Variants in ARHGAP17 observed in about 807,000 individuals in gnomAD.
The protein encoded by ARHGAP17 is rho GTPase-activating protein 17.
ARHGAP17 carries 57 observed loss-of-function variants against 99.5 expected under a neutral mutation model. That is an observed-to-expected ratio of 0.57 (90% CI 0.46 to 0.71). The LOEUF is 0.71. ARHGAP17 is among the 30% of genes least tolerant of loss of function. The pLI is 0.00. For synonymous variants in ARHGAP17, 417 were observed against 429.6 expected (o/e 0.97, Z 0.36); for missense variants, 1,000 against 1,122.4 (o/e 0.89, Z 1.56).
rs2051783570 is a variant in ARHGAP17, at chr16:24,955,540, G to C, written c.725-810C>G. ...TGAATTTGGCCTGCCTGTGCAAGCT[G>C]CAGAGATCTAGTGCTATCTGAGCAG... On this transcript the variant is annotated intron_variant, in intron 9 of 19. Coordinates refer to ENST00000289968, the MANE Select transcript of ARHGAP17 (RefSeq NM_001006634.3). The surrounding 1 kb of genome is among the most constrained non-coding windows in gnomAD (Gnocchi z 4.0). 6.6e-6 allele frequency: 1 copy of C among 152,244 alleles called. No homozygotes were observed. The allele number at this position is 152,244 out of a possible 1,614,324, so 9.4% of individuals were successfully genotyped here.
At chr16:25,009,488 G>A (rs897033106) in intron 1 of ARHGAP17, among the ~76,000 whole-genome samples, 71 of 152,296 alleles carry the variant, frequency 4.7e-4, no homozygotes, top group African/African-American at 1.6e-3. Flanking sequence ...GATAAGGTTT[G>A]TGATCATCAA....
chr16:24,984,388 C>T (rs957980170), intron 1 of ARHGAP17, among the ~76,000 whole-genome samples: 6 of 152,102 alleles, frequency 3.9e-5, no homozygotes, highest in African/African-American at 9.7e-5. Context: ...ATACTGAGGC[C>T]GGGCGCAGTG....
chr16:24,971,821 AC>A (rs998844637), intron 3 of ARHGAP17, among the ~76,000 whole-genome samples: 1 of 152,164 alleles, frequency 6.6e-6, no homozygotes, highest in African/African-American at 2.4e-5. Context: ...CAGTCAAGGA[AC>A]CCAAAGCCGA....
At chr16:25,002,473 A>G (rs983458254) in intron 1 of ARHGAP17, among the ~76,000 whole-genome samples, 6 of 152,122 alleles carry the variant, frequency 3.9e-5, no homozygotes, top group Non-Finnish European at 7.4e-5. Flanking sequence ...GACTTCCCAC[A>G]GCACCAACTT....
chr16:24,939,612 G>GA lies in ARHGAP17; in HGVS notation c.1491-16dup, dbSNP rs1386148343. On this transcript the variant is annotated splice_polypyrimidine_tract_variant and intron_variant, in intron 16 of 19. Transcript: ENST00000289968. ...TCACACCAAAGCTACACAGAGAGAA[G>GA]AAACAGTCAACACACCATGCGAGCA... The GA allele has an allele frequency of 1.3e-6, 2 of 1,591,704 alleles. No homozygotes were observed. The highest frequency in any genetic ancestry group is 8.6e-7 in the Non-Finnish European group (1 of 1,169,008).
intron 1 of ARHGAP17, chr16:25,014,029 C>T (rs2053714198): frequency 6.6e-6 from 1 of 152,100 alleles, no homozygotes; most frequent in Non-Finnish European, 1.5e-5. Context: ...AGAGTTAATT[C>T]TCACCACAAT....
At position 25,004,672 on chromosome 16, in the gene ARHGAP17, T is replaced by C. The variant is rs2053459513; in HGVS notation, c.53+10537A>G. Among the ~76,000 whole-genome samples, 3 of 152,202 alleles carry C rather than the reference T, an allele frequency of 2.0e-5. No individual in the cohort carries two copies. The South Asian group carries it at 6.2e-4, about 31-fold the overall frequency. ...GAAGTATAAATTTGGCCAAACCATG[T>C]GGAAGAACACTGAGTAACTACAGAA... On this transcript the variant is annotated intron_variant, in intron 1 of 19. Transcript: ENST00000289968.
chr16:25,013,621 C>CAA (rs779178782), intron 1 of ARHGAP17, among the ~76,000 whole-genome samples: 2 of 120,994 alleles, frequency 1.7e-5, no homozygotes, highest in Non-Finnish European at 1.8e-5. Flanking sequence ...GACCCTGTCT[C>CAA]AAAAAAAAAA....
In ARHGAP17 at chr16:25,015,348, A is replaced by AACGGCGGC; in HGVS notation, c.-95_-88dup. On this transcript the variant is annotated 5_prime_UTR_variant, in exon 1 of 20. Transcript: ENST00000289968. ...AGCTACTACATCGCTTCCCGGCCCA[A>AACGGCGGC]ACGGCGGCGCGGCGGTGGCTCCCCG... 8.6e-7 allele frequency: 1 copy of AACGGCGGC among 1,159,332 alleles called. No individual in the cohort carries two copies. The highest frequency in any genetic ancestry group is 1.1e-6 in the Non-Finnish European group (1 of 926,330). The allele number at this position is 1,159,332 out of a possible 1,614,324, so 71.8% of individuals were successfully genotyped here.
chr16:24,935,377 T>C (rs1301573487), intron 18 of ARHGAP17, 93 bp downstream of exon 18: 5 of 1,371,492 alleles, frequency 3.6e-6, no homozygotes, highest in Non-Finnish European at 1.9e-6. Context: ...ATAGAAAAGA[T>C]CTGGCCACAA....
intron 6 of ARHGAP17, among the ~76,000 whole-genome samples, chr16:24,965,133 C>CT (rs1453089504): frequency 2.0e-5 from 3 of 151,948 alleles, no homozygotes; most frequent in Admixed American, 1.3e-4. Context: ...GTGGAAAACT[C>CT]TATCACTTTA....
rs184958279 is a variant in ARHGAP17, at chr16:24,921,883, A to C, written c.2516-1623T>G. Among the ~76,000 whole-genome samples, 452 of 152,338 alleles carry C rather than the reference A, an allele frequency of 3.0e-3. 2 individuals carry two copies. The highest frequency in any genetic ancestry group is 0.011 in the African/African-American group (437 of 41,590). ...CAAAGGTGGTCTGTATGCACAGAATAGGGGCTGTCTTGGATTTGTCCTAAG... is the reference window on the plus strand; with the variant it reads ...CAAAGGTGGTCTGTATGCACAGAATCGGGGCTGTCTTGGATTTGTCCTAAG... On this transcript the variant is annotated intron_variant, in intron 19 of 19. Transcript: ENST00000289968.
intron 4 of ARHGAP17, among the ~76,000 whole-genome samples, chr16:24,969,867 G>T (rs1449573184): frequency 1.3e-5 from 2 of 152,160 alleles, no homozygotes; most frequent in African/African-American, 4.8e-5. Context: ...GCTGAGAAAT[G>T]GACTGAAAAG....
At chr16:24,978,926 C>G in intron 2 of ARHGAP17, 40 bp downstream of exon 2, 1 of 1,496,106 alleles carries the variant, frequency 6.7e-7, no homozygotes, top group Non-Finnish European at 9.0e-7. Context: ...TTTTTTCCAT[C>G]CTTTAAACAG....
At chr16:24,950,121 C>T (rs376101089) in intron 12 of ARHGAP17, among the ~76,000 whole-genome samples, 5 of 152,092 alleles carry the variant, frequency 3.3e-5, no homozygotes, top group Admixed American at 2.0e-4. Context: ...CCACTTTGAA[C>T]GTGAAATATC....
Position 24,935,451 on chromosome 16 carries a change from G to GAGGAC in ARHGAP17, c.1894+14_1894+18dup, listed in dbSNP as rs2051110185. 5 of 1,568,496 alleles carry GAGGAC rather than the reference G, an allele frequency of 3.2e-6. No individual in the cohort carries two copies. Among genetic ancestry groups the GAGGAC allele is most frequent in the Non-Finnish European group, 3.5e-6 (4 of 1,156,214 alleles). On this transcript the variant is annotated intron_variant, in intron 18 of 19. Coordinates refer to ENST00000289968, the MANE Select transcript of ARHGAP17 (RefSeq NM_001006634.3). ...CTGCACAGGCTTCCCTGAGGGCAAG[G>GAGGAC]AGGACGGTGGCTGCTTACCTCGGCG... is the stretch of plus-strand genomic sequence containing the variant.
intron 1 of ARHGAP17, among the ~76,000 whole-genome samples, chr16:24,999,604 C>T (rs2053303191): frequency 6.6e-6 from 1 of 151,892 alleles, no homozygotes; most frequent in South Asian, 2.1e-4. Context: ...ATTCCTTTTA[C>T]AGACACGGGC....
intron 1 of ARHGAP17, among the ~76,000 whole-genome samples, chr16:24,984,312 G>C (rs781616812): frequency 1.3e-5 from 2 of 152,162 alleles, no homozygotes; most frequent in African/African-American, 2.4e-5. Context: ...TGAGGGCAGA[G>C]AGAGAGCTCT....
chr16:24,954,764 CA>C lies in ARHGAP17; in HGVS notation c.725-35del, dbSNP rs768083297. 3.7e-6 allele frequency: 6 copies of C among 1,609,810 alleles called. No individual in the cohort carries two copies. The South Asian group carries it at 6.6e-5, about 18-fold the overall frequency. On this transcript the variant is annotated intron_variant, in intron 9 of 19. Transcript: ENST00000289968. ...GCAAATTGTTCAGTTAGACACCCAA[CA>C]AACTCACGGCATTACCAAGCTATTT... is the stretch of plus-strand genomic sequence containing the variant.
Sources: allele counts gnomAD v4.1 joint callset (sites outside exome capture counted in the v4.1 genomes callset), GRCh38; gene constraint gnomAD v4.1.1; non-coding constraint Gnocchi (gnomAD v3.1); transcripts MANE v1.5; gene names NCBI Gene and HGNC (gene_info 2026-07-23, HGNC 2026-07-21).